PUDP: variants seen among roughly 807,000 people sequenced by gnomAD.
The protein encoded by PUDP is pseudouridine 5'-phosphatase.
PUDP carries 8 observed loss-of-function variants against 9.4 expected under a neutral mutation model. That is an observed-to-expected ratio of 0.85 (90% CI 0.50 to 1.53). PUDP has a LOEUF of 1.53. PUDP is among the 40% of genes most tolerant of loss of function. The probability of loss-of-function intolerance (pLI) is 0.00; values close to 1 mark genes in which losing one functional copy is unlikely to be tolerated. For missense variants in PUDP, 188 were observed against 189.7 expected, an observed-to-expected ratio of 0.99 and a Z score of 0.05; for synonymous variants, 99 against 80.7, an observed-to-expected ratio of 1.23 and a Z score of -1.22.
At chrX:6,876,895 AT>A (rs1201315875) in intron 3 of PUDP, among the ~76,000 whole-genome samples, 2 of 109,636 alleles carry the variant, frequency 1.8e-5, no homozygotes, top group Non-Finnish European at 3.8e-5. Flanking sequence ...ACATATACAT[AT>A]AGACATATAT....
At chrX:7,001,171 T>C (rs1414427405) in intron 1 of PUDP, among the ~76,000 whole-genome samples, 2 of 110,441 alleles carry the variant, frequency 1.8e-5, no homozygotes, top group Non-Finnish European at 1.9e-5. Context: ...AATTAGAACA[T>C]ATATTTTTTA....
chrX:7,057,805 G>A (rs1461905834), intron 3 of PUDP: 21 of 1,147,807 alleles, frequency 1.8e-5, no homozygotes, highest in East Asian at 3.3e-5. Context: ...GTGAGCAGAC[G>A]AGGTCTATGG....
In PUDP at chrX:7,148,047, A is replaced by T. The variant is rs779796329; in HGVS notation, c.61+6T>A. The T allele has an allele frequency of 6.2e-6, 7 of 1,127,746 alleles. No homozygotes were observed. The highest frequency in any genetic ancestry group is 2.8e-5 in the Admixed American group (1 of 35,969). The allele number at this position is 1,127,746 out of a possible 1,213,427, so 92.9% of individuals were successfully genotyped here. ...TTACTGGAGGCGGCGGCTGCACACT[A>T]CCCACCCAGAAGAAGTCCGTCCATG... On this transcript the variant is annotated splice_donor_region_variant and intron_variant, in intron 1 of 3. Coordinates refer to ENST00000381077, the MANE Select transcript of PUDP (RefSeq NM_012080.5).
intron 1 of PUDP, among the ~76,000 whole-genome samples, chrX:6,992,563 C>T (rs1217169382): frequency 4.5e-5 from 5 of 109,957 alleles, no homozygotes; most frequent in Non-Finnish European, 9.5e-5. Context: ...TGAACCACCG[C>T]GCCCGGCCCA....
At chrX:6,828,398 T>C (rs1327307218) in intron 3 of PUDP, among the ~76,000 whole-genome samples, 3 of 110,899 alleles carry the variant, frequency 2.7e-5, no homozygotes, top group Non-Finnish European at 3.8e-5. Context: ...AAACATACTT[T>C]AGAAAACTTT....
chrX:6,845,355 CGAA>C (rs1281631667), intron 3 of PUDP, among the ~76,000 whole-genome samples: 2 of 110,766 alleles, frequency 1.8e-5, no homozygotes, highest in Non-Finnish European at 3.8e-5. Flanking sequence ...GACCAAAAAA[CGAA>C]GAAGCTGGGG....
intron 1 of PUDP, among the ~76,000 whole-genome samples, chrX:7,112,350 A>G (rs916851749): frequency 6.2e-5 from 7 of 112,184 alleles, no homozygotes; most frequent in Non-Finnish European, 1.1e-4. Flanking sequence ...ATTTAAATAC[A>G]TCTGGCTCCA....
At chrX:6,771,589 T>C (rs924730402) in intron 3 of PUDP, among the ~76,000 whole-genome samples, 5 of 112,474 alleles carry the variant, frequency 4.4e-5, no homozygotes, top group African/African-American at 1.6e-4. Context: ...CAGAATTGGG[T>C]TGTAAGAGTT....
chrX:7,056,826 G>T (rs999383397), intron 3 of PUDP, among the ~76,000 whole-genome samples: 15 of 112,341 alleles, frequency 1.3e-4, no homozygotes, highest in Non-Finnish European at 2.8e-4. Flanking sequence ...GGGAAGTTCA[G>T]AGGCAAGCTG....
intron 3 of PUDP, among the ~76,000 whole-genome samples, chrX:6,887,203 A>T (rs1023735882): frequency 6.6e-5 from 7 of 105,735 alleles, no homozygotes; most frequent in Non-Finnish European, 1.2e-4. Context: ...AAATATATTT[A>T]TTTACAAATA....
At chrX:6,739,365 G>A (rs1240063752) in intron 3 of PUDP, among the ~76,000 whole-genome samples, 2 of 111,869 alleles carry the variant, frequency 1.8e-5, no homozygotes, top group East Asian at 2.8e-4. Context: ...CTGAGTAACC[G>A]CTTCCTGAGC....
intron 1 of PUDP, among the ~76,000 whole-genome samples, chrX:7,015,098 G>T (rs1240422098): frequency 9.0e-6 from 1 of 111,522 alleles, no homozygotes; most frequent in Non-Finnish European, 1.9e-5. Context: ...TCTGTATAGG[G>T]GCCAAGGGAA....
At chrX:6,987,639 T>C (rs1159892216) in intron 1 of PUDP, among the ~76,000 whole-genome samples, 5 of 112,419 alleles carry the variant, frequency 4.4e-5, no homozygotes, top group African/African-American at 1.3e-4. Flanking sequence ...CCACTGCTCA[T>C]GTTTATAAAT....
At chrX:6,834,252 C>T (rs991208178) in intron 3 of PUDP, among the ~76,000 whole-genome samples, 2 of 111,754 alleles carry the variant, frequency 1.8e-5, no homozygotes, top group African/African-American at 6.5e-5. Context: ...GATGCAATTA[C>T]CATACTGCAT....
At chrX:7,140,901 T>G (rs1187378955) in intron 1 of PUDP, among the ~76,000 whole-genome samples, 8 of 112,195 alleles carry the variant, frequency 7.1e-5, no homozygotes, top group African/African-American at 2.6e-4. Flanking sequence ...TTATTACATC[T>G]GTTACGTCAA....
intron 1 of PUDP, among the ~76,000 whole-genome samples, chrX:7,144,978 T>C (rs1257809816): frequency 9.0e-6 from 1 of 111,153 alleles, no homozygotes; most frequent in African/African-American, 3.3e-5. Context: ...CCTCCCAGCA[T>C]AGCCATTATC....
chrX:7,097,210 G>A (rs758411683), intron 2 of PUDP, among the ~76,000 whole-genome samples: 3 of 111,653 alleles, frequency 2.7e-5, no homozygotes, highest in Non-Finnish European at 3.8e-5. Flanking sequence ...ATTCTGACAC[G>A]CCTCCTTTTA....
In PUDP at chrX:6,860,473, T is replaced by TG. The variant is rs1280565111; in HGVS notation, c.*247+116659_*247+116660insC. Among the ~76,000 whole-genome samples, 5 of 104,257 alleles carry TG rather than the reference T, an allele frequency of 4.8e-5. 1 individual carries two copies. The highest frequency in any genetic ancestry group is 2.1e-4 in the Admixed American group (2 of 9,435). 90.5% of individuals were successfully genotyped at this position (104,257 alleles called of 115,157 possible). A position where few individuals can be genotyped will look rare whatever the true frequency, so the allele number is the denominator to read the frequency against. ...TTTTCTGTGTGTGGTTTTTTGTTTT[T>TG]TGTTTTTTGTTTTTTGAGACAGAGT... On this transcript the variant is annotated intron_variant and NMD_transcript_variant, in intron 3 of 3. Transcript: ENST00000655425.
At chrX:6,944,634 G>T (rs1290820735) in intron 3 of PUDP, among the ~76,000 whole-genome samples, 1 of 110,696 alleles carries the variant, frequency 9.0e-6, no homozygotes, top group East Asian at 2.9e-4. Flanking sequence ...CAATAGCCAA[G>T]GAAGCTCATA....
Sources: gnomAD v4.1 joint callset for allele counts (sites outside exome capture counted in the v4.1 genomes callset) on GRCh38, gnomAD v4.1.1 for gene constraint, MANE v1.5 for transcripts, NCBI Gene and HGNC (gene_info 2026-07-23, HGNC 2026-07-21) for gene names.